MACF1: variants seen among roughly 807,000 people sequenced by gnomAD.
MACF1 encodes microtubule actin crosslinking factor 1.
MACF1 carries 193 observed loss-of-function variants against 854.8 expected under a neutral mutation model. The observed-to-expected ratio is 0.23, with a 90% confidence interval of 0.20 to 0.25. The LOEUF is 0.25. Ranked by LOEUF, MACF1 falls within the 10% of genes least tolerant of loss-of-function variation. The pLI, the probability that MACF1 is intolerant of heterozygous loss-of-function variation, is 1.00. For synonymous variants in MACF1, 3,185 were observed against 3,226.7 expected, an observed-to-expected ratio of 0.99 and a Z score of 0.44; for missense variants, 7,722 against 8,929.1, an observed-to-expected ratio of 0.86 and a Z score of 5.45.
intron 1 of MACF1, among the ~76,000 whole-genome samples, chr1:39,207,126 A>G (rs1012799838): frequency 2.6e-5 from 4 of 152,072 alleles, no homozygotes; most frequent in Admixed American, 6.6e-5. Context: ...TATAATAGTG[A>G]AGTGGGTAAT....
rs2148473850 is a variant in MACF1, at chr1:39,334,910, AAAGC to A, written c.8326_8329del (p.Gln2776LysfsTer13). 1 of 1,614,214 alleles carries A rather than the reference AAAGC, an allele frequency of 6.2e-7. No individual in the cohort carries two copies. Among genetic ancestry groups the A allele is most frequent in the Non-Finnish European group, 8.5e-7 (1 of 1,180,028 alleles). Reference sequence around the variant, plus strand: ...TCAGCGATCACAGGGCTCAGATTGAAAAGCAAGAAGGGATTGAAGTGTGTGCATT... The same window carrying A: ...TCAGCGATCACAGGGCTCAGATTGAAAAGAAGGGATTGAAGTGTGTGCATT... On this transcript the variant is annotated frameshift_variant, in exon 37 of 101. Transcript: ENST00000564288. LOFTEE classifies it high-confidence loss of function.
intron 2 of MACF1, among the ~76,000 whole-genome samples, chr1:39,157,500 G>A (rs1643716111): frequency 6.6e-6 from 1 of 152,208 alleles, no homozygotes; most frequent in Admixed American, 6.5e-5. Context: ...AAATCTTGGT[G>A]GCAGTGTGGT....
At position 39,283,599 on chromosome 1, in the gene MACF1, A is replaced by G; in HGVS notation, c.915+84A>G. ...TGGTTAGACACTTTCTTAAGCACTT[A>G]TGGTATACTCATGGTATCAAACTAT... On this transcript the variant is annotated intron_variant, in intron 9 of 100. Transcript: ENST00000564288. This position sits in a 1 kb window ranked among gnomAD's most constrained non-coding sequence, Gnocchi z 4.5. The G allele has an allele frequency of 3.3e-6, 3 of 917,916 alleles. No individual in the cohort carries two copies. The highest frequency in any genetic ancestry group is 2.8e-5 in the South Asian group (2 of 71,968). 56.9% of individuals were successfully genotyped at this position (917,916 alleles called of 1,614,324 possible). A position where few individuals can be genotyped will look rare whatever the true frequency, so the allele number is the denominator to read the frequency against.
Position 39,477,172 on chromosome 1 carries a change from GAC to G in MACF1, c.21959-2621_21959-2620del, listed in dbSNP as rs767741185. ...CACACACAGATGTGCAAAGGAGTAAGACACACCATTATAATAGTGATGTCCCT... is the reference window on the plus strand; with the variant it reads ...CACACACAGATGTGCAAAGGAGTAAGACACCATTATAATAGTGATGTCCCT... On this transcript the variant is annotated intron_variant, in intron 97 of 100. Coordinates refer to ENST00000564288, the MANE Select transcript of MACF1 (RefSeq NM_001394062.1). Among the ~76,000 whole-genome samples, 5 of 109,770 alleles carry G rather than the reference GAC, an allele frequency of 4.6e-5. 1 individual carries two copies. The highest frequency in any genetic ancestry group is 1.3e-4 in the African/African-American group (4 of 30,228). The allele number at this position is 109,770 out of a possible 152,430, so 72.0% of individuals were successfully genotyped here.
chr1:39,320,968 C>CA (rs1469230083), intron 31 of MACF1, among the ~76,000 whole-genome samples: 3 of 150,922 alleles, frequency 2.0e-5, no homozygotes, highest in Admixed American at 1.3e-4. Flanking sequence ...ACTGTGTCTC[C>CA]AAAAAAAAGA....
At chr1:39,351,628 C>A (rs1412337223) in intron 43 of MACF1, among the ~76,000 whole-genome samples, 4 of 141,146 alleles carry the variant, frequency 2.8e-5, no homozygotes, top group Non-Finnish European at 6.0e-5. Flanking sequence ...GCTCTGTTGC[C>A]AAGACTGGAG....
In MACF1 at chr1:39,332,951, T is replaced by A. The variant is rs1317945931; in HGVS notation, c.6363T>A (p.Ser2121=). 3 of 1,614,034 alleles carry A rather than the reference T, an allele frequency of 1.9e-6. No homozygotes were observed. In the African/African-American group the frequency reaches 4.0e-5, roughly 22 times the overall value. The change falls in exon 37 of 101, where the codon TCT becomes TCA. Residue 2121 remains serine (S), a synonymous_variant. Coordinates refer to ENST00000564288, the MANE Select transcript of MACF1 (RefSeq NM_001394062.1). ...GTQREDQTAV[S]VRENASRGHL... is the part of the protein sequence containing the mutation. ...AAAGGGAAGACCAAACAGCAGTGTC[T>A]GTCAGAGAAAATGCCAGCAGGGGAC...
upstream of MACF1, chr1:39,204,383 CT>C (rs1387784277): frequency 1.3e-5 from 2 of 152,364 alleles, no homozygotes; most frequent in Non-Finnish European, 2.9e-5. Context: ...TGGGAGCTTG[CT>C]CTGTATGTAT....
In MACF1 at chr1:39,387,372, A is replaced by C; in HGVS notation, c.14530A>C (p.Asn4844His). 1 of 1,614,252 alleles carries C rather than the reference A, an allele frequency of 6.2e-7. No individual in the cohort carries two copies. Among genetic ancestry groups the C allele is most frequent in the Non-Finnish European group, 8.5e-7 (1 of 1,180,042 alleles). The change falls in exon 58 of 101, where the codon AAT (asparagine) becomes CAT (histidine). Residue 4844 changes from asparagine to histidine, a missense_variant. Transcript: ENST00000564288. Reference protein sequence around the residue: ...QENEEFQKSLNQHSGSYEVIV... With the variant: ...QENEEFQKSLHQHSGSYEVIV... Reference sequence around the variant, plus strand: ...GAATGAAGAGTTTCAGAAAAGTCTTAATCAACACAGTGGCTCCTATGAGGT... The same window carrying C: ...GAATGAAGAGTTTCAGAAAAGTCTTCATCAACACAGTGGCTCCTATGAGGT...
rs146571780 is a variant in MACF1, at chr1:39,334,082, G to T, written c.7494G>T (p.Leu2498Phe). The T allele has an allele frequency of 3.7e-6, 6 of 1,614,038 alleles. No homozygotes were observed. Among genetic ancestry groups the T allele is most frequent in the Non-Finnish European group, 5.1e-6 (6 of 1,180,024 alleles). ...AGAGAGAGGAGGCCGTTCGTTTGTT[G>T]ACTAAGCAAGTGGTAGATGGAGGTA... Reference protein sequence around the residue: ...LLEREEAVRLLTKQVVDGGII... With the variant: ...LLEREEAVRLFTKQVVDGGII... The change falls in exon 37 of 101, where the codon TTG becomes TTT. Residue 2498 changes from leucine (L) to phenylalanine (F), a missense_variant. Coordinates refer to ENST00000564288, the MANE Select transcript of MACF1 (RefSeq NM_001394062.1).
At chr1:39,160,120 G>T (rs1053387338) in intron 2 of MACF1, among the ~76,000 whole-genome samples, 4 of 152,096 alleles carry the variant, frequency 2.6e-5, no homozygotes, top group African/African-American at 9.7e-5. Context: ...TTCTAGACCA[G>T]CCTGGGCAAC....
rs1644128597 is a variant in MACF1 at position 39,441,956 on chromosome 1, T to C, written c.18677T>C (p.Met6226Thr). ...AVQYQDTLQA[M>T]FDWLDNTVIK... ...TTTACTTGTCTTTTGTTCTAGGCTATGTTTGACTGGCTAGATAACACTGTG... is the reference window on the plus strand; with the variant it reads ...TTTACTTGTCTTTTGTTCTAGGCTACGTTTGACTGGCTAGATAACACTGTG... The change falls in exon 75 of 101, where the codon ATG (methionine) becomes ACG (threonine). Residue 6226 changes from methionine to threonine, a missense_variant. Physicochemically the swap from Met to Thr is moderately conservative, Grantham distance 81. Around this residue, in one of 15 missense-constraint regions of MACF1, gnomAD observed 2,807 missense variants for 3,235.8 expected, o/e 0.87. Transcript: ENST00000564288. 1 of 1,613,428 alleles carries C rather than the reference T, an allele frequency of 6.2e-7. No individual in the cohort carries two copies. The highest frequency in any genetic ancestry group is 1.3e-5 in the African/African-American group (1 of 74,944).
Position 39,370,201 on chromosome 1 carries a change from G to A in MACF1, c.13095+15G>A. 6.3e-7 allele frequency: 1 copy of A among 1,596,044 alleles called. No individual in the cohort carries two copies. The stretch of plus-strand genomic sequence containing the variant: ...AACACCTGAAGGTAGGTGAACAAAG[G>A]GACTCCAAGAATTGGGCTAGGCACT... On this transcript the variant is annotated intron_variant, in intron 51 of 100. Coordinates refer to ENST00000564288, the MANE Select transcript of MACF1 (RefSeq NM_001394062.1).
At position 39,282,252 on chromosome 1, in the gene MACF1, C is replaced by A. The variant is rs765778999; in HGVS notation, c.573C>A (p.Ala191=). Residue 191 remains alanine, a synonymous_variant, in exon 7 of 101, where the codon GCC becomes GCA. Transcript: ENST00000564288. The part of the protein sequence containing the change: ...YISGESGDMS[A]KEKLLLWTQK... ...GTGGAGAATCAGGGGATATGTCAGC[C>A]AAGGAGAAACTACTCCTGTGGACCC... 1 of 1,613,978 alleles carries A rather than the reference C, an allele frequency of 6.2e-7. No individual in the cohort carries two copies. The highest frequency in any genetic ancestry group is 8.5e-7 in the Non-Finnish European group (1 of 1,179,942).
In MACF1 at chr1:39,385,523, C is replaced by G. The variant is rs1650624818; in HGVS notation, c.13938C>G (p.Val4646=). 1.2e-6 allele frequency: 2 copies of G among 1,614,074 alleles called. No individual in the cohort carries two copies. The highest frequency in any genetic ancestry group is 8.5e-7 in the Non-Finnish European group (1 of 1,180,038). Residue 4646 remains valine, a synonymous_variant, in exon 57 of 101, where the codon GTC becomes GTG. Transcript: ENST00000564288. Reference sequence around the variant, plus strand: ...GCATCCTAACAGGCCCTGGAGATGTCTCTCTGTCCACCAGCCAAGTACAGA... The same window carrying G: ...GCATCCTAACAGGCCCTGGAGATGTGTCTCTGTCCACCAGCCAAGTACAGA... ...AQGILTGPGD[V]SLSTSQVQKE... is the part of the protein sequence containing the mutation.
intron 79 of MACF1, among the ~76,000 whole-genome samples, chr1:39,444,270 G>A (rs1187370039): frequency 6.6e-6 from 1 of 151,994 alleles, no homozygotes; most frequent in East Asian, 1.9e-4. Flanking sequence ...GGGAGGCGGA[G>A]CTTGCAGTAA....
At chr1:39,106,580 T>C (rs1642244533) in intron 2 of MACF1, among the ~76,000 whole-genome samples, 1 of 152,142 alleles carries the variant, frequency 6.6e-6, no homozygotes, top group South Asian at 2.1e-4. Context: ...GGCTGGCAGT[T>C]ATGCTTTCCA....
intron 34 of MACF1, 46 bp downstream of exon 34, chr1:39,324,391 G>A: frequency 6.3e-7 from 1 of 1,596,950 alleles, no homozygotes; most frequent in Non-Finnish European, 8.5e-7. Flanking sequence ...AATAATATGT[G>A]ATAATACATT....
chr1:39,459,254 T>C lies in MACF1; in HGVS notation c.21360+5T>C, dbSNP rs151293171. ...GCCTTGGATCGGCTGGAGGAGGTAA[T>C]GCCCTGCTGAGTGGCCTTCCCTGAA... On this transcript the variant is annotated splice_donor_5th_base_variant and intron_variant, in intron 91 of 100. Coordinates refer to ENST00000564288, the MANE Select transcript of MACF1 (RefSeq NM_001394062.1). 2,594 of 1,606,150 alleles carry C rather than the reference T, an allele frequency of 1.6e-3. 37 individuals are homozygous for C. In the African/African-American group the frequency reaches 0.031, roughly 19 times the overall value.
Sources: allele counts gnomAD v4.1 joint callset (sites outside exome capture counted in the v4.1 genomes callset), GRCh38; gene constraint gnomAD v4.1.1; regional missense constraint gnomAD v4.1.1; non-coding constraint Gnocchi (gnomAD v3.1); transcripts MANE v1.5; gene names NCBI Gene and HGNC (gene_info 2026-07-23, HGNC 2026-07-21).